Variants in EXOSC4 observed in about 807,000 individuals in gnomAD.
EXOSC4 encodes the protein exosome complex component RRP41.
In EXOSC4, 14 loss-of-function variants were observed where a neutral mutation model predicts 20.0. The ratio of observed to expected loss-of-function variants is 0.70; its 90% CI spans 0.46 to 1.09. The LOEUF is 1.09. Ranked by LOEUF, EXOSC4 falls within the 50% of genes least tolerant of loss-of-function variation. The pLI, the probability that EXOSC4 is intolerant of heterozygous loss-of-function variation, is 0.00. For missense variants in EXOSC4, 337 were observed against 334.0 expected (o/e 1.01, Z -0.07); for synonymous variants, 148 against 146.4 (o/e 1.01, Z -0.08).
rs782631281 is a variant in EXOSC4 at position 144,078,713 on chromosome 8, C to A, written c.-16C>A. 7.0e-7 allele frequency: 1 copy of A among 1,431,556 alleles called. No homozygotes were observed. Among genetic ancestry groups the A allele is most frequent in the Non-Finnish European group, 9.2e-7 (1 of 1,089,154 alleles). 88.7% of individuals were successfully genotyped at this position (1,431,556 alleles called of 1,614,324 possible). On this transcript the variant is annotated 5_prime_UTR_variant, in exon 1 of 3. In the 5' UTR this introduces an upstream ATG that the reference lacks. Coordinates refer to ENST00000316052, the MANE Select transcript of EXOSC4 (RefSeq NM_019037.3). This position sits in a 1 kb window ranked among gnomAD's most constrained non-coding sequence, Gnocchi z 4.7. ...TCAGAGAAGTAGGCAGAGAGCGGAC[C>A]TGGCGGCCGGGCAGCATGGCGGGGC...
chr8:144,080,209 G>A lies in EXOSC4; in HGVS notation c.379-33G>A. 1.2e-6 allele frequency: 2 copies of A among 1,609,306 alleles called. No individual in the cohort carries two copies. The highest frequency in any genetic ancestry group is 2.2e-5 in the South Asian group (2 of 90,722). ...AGGGTGTGATGGGGTTGGGGAGGGA[G>A]TCTGATAGACTGACACCCTGGGTTC... On this transcript the variant is annotated intron_variant, in intron 2 of 2. Transcript: ENST00000316052. This position sits in a 1 kb window ranked among gnomAD's most constrained non-coding sequence, Gnocchi z 4.9.
At chr8:144,078,570 CACG>C, upstream of EXOSC4, 1 of 735,914 alleles carries the variant, frequency 1.4e-6, no homozygotes, top group Non-Finnish European at 1.9e-6. This position sits in a 1 kb window ranked among gnomAD's most constrained non-coding sequence, Gnocchi z 4.7. Flanking sequence ...ACCGCAGATC[CACG>C]GAGGTCAGGG....
the EXOSC4 span, among the ~76,000 whole-genome samples, chr8:144,073,574 C>T: frequency 7.2e-4 from 109 of 152,082 alleles, no homozygotes; most frequent in African/African-American, 2.2e-3. Context: ...AACGACCGGC[C>T]GGGTGTGGTG....
intron 1 of EXOSC4, 32 bp from the exon 2 acceptor site, chr8:144,079,911 T>G (rs376040142): frequency 8.4e-5 from 134 of 1,603,520 alleles, no homozygotes; most frequent in Non-Finnish European, 1.7e-5. Context: ...CTGGAAGGAG[T>G]GGGCCTGGCT....
the EXOSC4 span, among the ~76,000 whole-genome samples, chr8:144,065,362 G>T: frequency 1.3e-5 from 2 of 152,140 alleles, no homozygotes; most frequent in Non-Finnish European, 2.9e-5. Context: ...TGTGCGAGTG[G>T]GGGCAGTGCC....
the EXOSC4 span, among the ~76,000 whole-genome samples, chr8:144,069,654 G>A: frequency 6.6e-6 from 1 of 152,232 alleles, no homozygotes; most frequent in African/African-American, 2.4e-5. Flanking sequence ...GCCAAATGAG[G>A]TACATTCATA....
At chr8:144,075,699 G>A (rs1438710510), upstream of EXOSC4, among the ~76,000 whole-genome samples, 1 of 152,204 alleles carries the variant, frequency 6.6e-6, no homozygotes, top group Admixed American at 6.5e-5. Context: ...AGAAGGTTAC[G>A]TTATAAAAAG....
the EXOSC4 span, among the ~76,000 whole-genome samples, chr8:144,071,262 C>T: frequency 7.2e-5 from 2 of 27,604 alleles, no homozygotes; most frequent in Non-Finnish European, 7.2e-5. Flanking sequence ...CCTCCCCTCT[C>T]CCCTCCCCTC....
upstream of EXOSC4, chr8:144,078,557 G>C: frequency 4.8e-6 from 3 of 631,510 alleles, no homozygotes; most frequent in East Asian, 1.0e-4. The surrounding 1 kb of genome is among the most constrained non-coding windows in gnomAD (Gnocchi z 4.7). Context: ...CGGAACGCCG[G>C]AAACCGCAGA....
At chr8:144,066,008 G>A in the EXOSC4 span, among the ~76,000 whole-genome samples, 2 of 146,056 alleles carry the variant, frequency 1.4e-5, no homozygotes, top group Non-Finnish European at 3.0e-5. Flanking sequence ...GGTAGAAACA[G>A]GGTCTCGCTA....
chr8:144,072,148 C>G, the EXOSC4 span, among the ~76,000 whole-genome samples: 3 of 152,112 alleles, frequency 2.0e-5, no homozygotes, highest in African/African-American at 7.2e-5. Flanking sequence ...CAAGTCCTCA[C>G]CTCAAGCTAT....
At chr8:144,073,047 G>C in the EXOSC4 span, among the ~76,000 whole-genome samples, 1 of 152,226 alleles carries the variant, frequency 6.6e-6, no homozygotes, top group African/African-American at 2.4e-5. Context: ...GCTCTGTATG[G>C]TCCTACTGAC....
chr8:144,076,111 G>A (rs1421489763), upstream of EXOSC4, among the ~76,000 whole-genome samples: 1 of 152,106 alleles, frequency 6.6e-6, no homozygotes, highest in Non-Finnish European at 1.5e-5. Flanking sequence ...TGGAATTTGG[G>A]CACATGCTTG....
intron 1 of EXOSC4, 184 bp downstream of exon 1, chr8:144,079,083 C>A: frequency 3.2e-6 from 2 of 634,092 alleles, no homozygotes; most frequent in Non-Finnish European, 4.7e-6. Flanking sequence ...GTGGTCCTGC[C>A]TTTCTCATCG....
At chr8:144,075,548 T>C (rs948795343), upstream of EXOSC4, among the ~76,000 whole-genome samples, 1 of 152,152 alleles carries the variant, frequency 6.6e-6, no homozygotes, top group Non-Finnish European at 1.5e-5. Context: ...ATTTTTTGCA[T>C]TTTTTGTAGA....
chr8:144,071,195 CT>C, the EXOSC4 span, among the ~76,000 whole-genome samples: 1 of 55,972 alleles, frequency 1.8e-5, no homozygotes, highest in Non-Finnish European at 3.4e-5. Flanking sequence ...CCCCCTTCCC[CT>C]CTCCTCCCCT....
the EXOSC4 span, among the ~76,000 whole-genome samples, chr8:144,071,258 C>T: frequency 2.9e-4 from 6 of 20,984 alleles, no homozygotes; most frequent in Non-Finnish European, 3.8e-4. Context: ...CCCCCCTCCC[C>T]TCTCCCCTCC....
Position 144,080,048 on chromosome 8 carries a change from G to A in EXOSC4, c.277G>A (p.Asp93Asn). ...TGAGCGCAAGCGACGGCCACATGGG[G>A]ACCGTAAGTCCTGTGAGATGGGCCT... ...TGERKRRPHG[D>N]RKSCEMGLQL... The change falls in exon 2 of 3, where the codon GAC (aspartate) becomes AAC (asparagine). Residue 93 changes from aspartate (D) to asparagine (N), a missense_variant. Asp to Asn is a conservative substitution (Grantham distance 23). Transcript: ENST00000316052. The surrounding 1 kb of genome is among the most constrained non-coding windows in gnomAD (Gnocchi z 4.9). The A allele has an allele frequency of 1.9e-6, 3 of 1,614,100 alleles. No individual in the cohort carries two copies. Among genetic ancestry groups the A allele is most frequent in the Non-Finnish European group, 2.5e-6 (3 of 1,180,026 alleles).
At chr8:144,069,612 C>T in the EXOSC4 span, among the ~76,000 whole-genome samples, 3 of 152,264 alleles carry the variant, frequency 2.0e-5, no homozygotes, top group Non-Finnish European at 4.4e-5. Context: ...CCTCAGCCTC[C>T]TTAACTGCAT....
Sources: gnomAD v4.1 joint callset for allele counts (sites outside exome capture counted in the v4.1 genomes callset) on GRCh38, gnomAD v4.1.1 for gene constraint, Gnocchi (gnomAD v3.1) non-coding constraint, MANE v1.5 for transcripts, NCBI Gene and HGNC (gene_info 2026-07-23, HGNC 2026-07-21) for gene names.